The following STK24 variants were observed in gnomAD, a reference collection of about 807,000 sequenced individuals.
STK24 encodes serine/threonine kinase 24, also known as serine/threonine-protein kinase 24.
Under a neutral mutation model 55.6 loss-of-function variants are expected in STK24, and 21 were observed. That is an observed-to-expected ratio of 0.38 (90% confidence interval 0.27 to 0.54). STK24 has a LOEUF of 0.54. Ranked by LOEUF, STK24 falls within the 20% of genes least tolerant of loss-of-function variation. The pLI is 0.79. For missense variants in STK24, 383 were observed against 538.4 expected (o/e 0.71, Z 2.86); for synonymous variants, 200 against 215.2 (o/e 0.93, Z 0.62).
At chr13:98,531,201 A>G (rs777022539) in intron 1 of STK24, among the ~76,000 whole-genome samples, 4 of 152,222 alleles carry the variant, frequency 2.6e-5, no homozygotes, top group Non-Finnish European at 5.9e-5. Context: ...TTTCATTCTA[A>G]TAAGTTTAAA....
intron 1 of STK24, among the ~76,000 whole-genome samples, chr13:98,525,297 T>C (rs977120454): frequency 2.0e-5 from 3 of 152,212 alleles, no homozygotes; most frequent in African/African-American, 4.8e-5. Flanking sequence ...TGGCCTCAGA[T>C]TGGAAAGGCC....
chr13:98,460,013 T>A (rs1893633850), intron 9 of STK24, among the ~76,000 whole-genome samples: 1 of 152,066 alleles, frequency 6.6e-6, no homozygotes, highest in Non-Finnish European at 1.5e-5. Context: ...GCATCCAACG[T>A]CTCCTTAGAA....
chr13:98,568,290 C>T (rs1897641253), intron 1 of STK24, among the ~76,000 whole-genome samples: 1 of 152,116 alleles, frequency 6.6e-6, no homozygotes, highest in African/African-American at 2.4e-5. Flanking sequence ...AGCCATCGCG[C>T]CGGGCCAGCA....
chr13:98,563,998 G>A (rs1256753232), intron 1 of STK24, among the ~76,000 whole-genome samples: 1 of 152,078 alleles, frequency 6.6e-6, no homozygotes, highest in Non-Finnish European at 1.5e-5. Context: ...AAATCAAAGT[G>A]TAACTAAATC....
chr13:98,496,958 A>G (rs1487726885), intron 2 of STK24, among the ~76,000 whole-genome samples: 1 of 152,204 alleles, frequency 6.6e-6, no homozygotes, highest in African/African-American at 2.4e-5. Flanking sequence ...GCGGGTACAC[A>G]TCCTACTCTC....
Position 98,447,488 on chromosome 13 carries a change from C to G in STK24, c.*5685G>C, listed in dbSNP as rs1446242458. On this transcript the variant is annotated 3_prime_UTR_variant, in exon 11 of 11. Coordinates refer to ENST00000539966, the MANE Select transcript of STK24 (RefSeq NM_001032296.4). ...AAGGGTCCAGCCTTGCAGTCCAGAT[C>G]CTGAAAGGCCTGGGACAAGGCCAGG... The G allele has an allele frequency of 6.6e-6, 1 of 152,314 alleles. No individual in the cohort carries two copies. Among genetic ancestry groups the G allele is most frequent in the Non-Finnish European group, 1.5e-5 (1 of 68,172 alleles). 9.4% of individuals were successfully genotyped at this position (152,314 alleles called of 1,614,324 possible). A position where few individuals can be genotyped will look rare whatever the true frequency, so the allele number is the denominator to read the frequency against.
At position 98,446,271 on chromosome 13, in the gene STK24, C is replaced by A; in HGVS notation, c.*6902G>T. 9.7e-7 allele frequency: 1 copy of A among 1,034,430 alleles called. No individual in the cohort carries two copies. The highest frequency in any genetic ancestry group is 1.5e-6 in the Non-Finnish European group (1 of 668,654). 64.1% of individuals were successfully genotyped at this position (1,034,430 alleles called of 1,614,324 possible). A position where few individuals can be genotyped will look rare whatever the true frequency, so the allele number is the denominator to read the frequency against. On this transcript the variant is annotated 3_prime_UTR_variant, in exon 11 of 11. Transcript: ENST00000539966. The stretch of plus-strand genomic sequence containing the variant: ...GGGTGGCAGCATGAGGTGAGGGGGC[C>A]GCCCTCCTCTGGAATGACTCAGGCC...
chr13:98,516,408 G>A (rs1335431852), intron 2 of STK24, among the ~76,000 whole-genome samples: 1 of 152,214 alleles, frequency 6.6e-6, no homozygotes, highest in Non-Finnish European at 1.5e-5. Context: ...AGCACCTGAA[G>A]ACCACTCCCT....
At chr13:98,519,648 T>G (rs1169520964) in intron 1 of STK24, among the ~76,000 whole-genome samples, 175 bp from the exon 2 acceptor site, 1 of 152,194 alleles carries the variant, frequency 6.6e-6, no homozygotes, top group Non-Finnish European at 1.5e-5. Flanking sequence ...GACATAAGAT[T>G]CCTAGGTCTC....
intron 1 of STK24, among the ~76,000 whole-genome samples, chr13:98,525,500 G>A (rs1454907847): frequency 6.6e-6 from 1 of 152,206 alleles, no homozygotes; most frequent in African/African-American, 2.4e-5. Context: ...TAGGGGATGG[G>A]GGCGGGGATG....
At chr13:98,516,585 C>G (rs1310566802) in intron 2 of STK24, among the ~76,000 whole-genome samples, 1 of 152,212 alleles carries the variant, frequency 6.6e-6, no homozygotes, top group African/African-American at 2.4e-5. Flanking sequence ...AGAACATGAA[C>G]AGAAACAATG....
chr13:98,463,920 A>T, intron 6 of STK24, 84 bp from the exon 7 acceptor site: 1 of 1,485,204 alleles, frequency 6.7e-7, no homozygotes, highest in South Asian at 1.3e-5. Context: ...TCAAAATGTC[A>T]ACCGCCACAC....
intron 3 of STK24, among the ~76,000 whole-genome samples, chr13:98,479,922 A>G (rs1894522299): frequency 6.6e-6 from 1 of 152,232 alleles, no homozygotes; most frequent in South Asian, 2.1e-4. Context: ...CTGCGGGGTC[A>G]AGGGAGGCCA....
intron 1 of STK24, among the ~76,000 whole-genome samples, chr13:98,569,011 C>A (rs754003714): frequency 2.6e-5 from 4 of 152,236 alleles, no homozygotes; most frequent in African/African-American, 7.2e-5. Context: ...AGATCTGAGT[C>A]GCTTCACAGA....
At chr13:98,553,654 A>G (rs1460749157) in intron 1 of STK24, 1 of 152,508 alleles carries the variant, frequency 6.6e-6, no homozygotes, top group Non-Finnish European at 1.5e-5. Context: ...GCAGATGCCC[A>G]GTAGCCTAGG....
intron 1 of STK24, among the ~76,000 whole-genome samples, chr13:98,527,857 C>T (rs1243049510): frequency 6.6e-6 from 1 of 152,232 alleles, no homozygotes; most frequent in Non-Finnish European, 1.5e-5. Flanking sequence ...GGACAGTCAT[C>T]ACCTGCTTTA....
intron 1 of STK24, among the ~76,000 whole-genome samples, chr13:98,561,221 T>A (rs1002780275): frequency 3.3e-5 from 5 of 152,218 alleles, no homozygotes; most frequent in African/African-American, 1.2e-4. Context: ...AATAACACAC[T>A]GCTTTCCAAC....
rs1163944750 is a variant in STK24, at chr13:98,445,839, G to A, written c.*7334C>T. 1 of 403,626 alleles carries A rather than the reference G, an allele frequency of 2.5e-6. No homozygotes were observed. The highest frequency in any genetic ancestry group is 4.5e-6 in the Non-Finnish European group (1 of 221,398). The allele number at this position is 403,626 out of a possible 1,614,324, so 25.0% of individuals were successfully genotyped here. A position where few individuals can be genotyped will look rare whatever the true frequency, so the allele number is the denominator to read the frequency against. ...AAATAAGCCTGTGTTCTAAGGTACT[G>A]GTAGTCAGGACCTCAACGTGTCTTT... On this transcript the variant is annotated 3_prime_UTR_variant, in exon 11 of 11. Transcript: ENST00000539966.
In STK24 at chr13:98,446,680, T is replaced by G; in HGVS notation, c.*6493A>C. ...CCCCTTTCCAGGACAATCATCCCCT[T>G]GCCAGCCTGCCTCTGCTCGGCTACT... On this transcript the variant is annotated 3_prime_UTR_variant, in exon 11 of 11. Coordinates refer to ENST00000539966, the MANE Select transcript of STK24 (RefSeq NM_001032296.4). The G allele has an allele frequency of 6.2e-7, 1 of 1,614,136 alleles. No individual in the cohort carries two copies. The highest frequency in any genetic ancestry group is 8.5e-7 in the Non-Finnish European group (1 of 1,180,010).
Sources: gnomAD v4.1 joint callset for allele counts (sites outside exome capture counted in the v4.1 genomes callset) on GRCh38, gnomAD v4.1.1 for gene constraint, MANE v1.5 for transcripts, NCBI Gene and HGNC (gene_info 2026-07-23, HGNC 2026-07-21) for gene names.